Variants in MTA3 observed in about 807,000 individuals in gnomAD.
MTA3 encodes metastasis-associated protein MTA3.
MTA3 carries 34 observed loss-of-function variants against 83.5 expected under a neutral mutation model. That is an observed-to-expected ratio of 0.41 (90% CI 0.31 to 0.54). The LOEUF (loss-of-function observed/expected upper bound fraction) is 0.54. Ranked by LOEUF, MTA3 falls within the 20% of genes least tolerant of loss-of-function variation. MTA3 has a pLI of 0.33. For missense variants in MTA3, 761 were observed against 726.4 expected, an observed-to-expected ratio of 1.05 and a Z score of -0.55; for synonymous variants, 303 against 252.7, an observed-to-expected ratio of 1.20 and a Z score of -1.89.
intron 2 of MTA3, among the ~76,000 whole-genome samples, chr2:42,562,294 T>TG (rs1294712672): frequency 6.6e-6 from 1 of 152,120 alleles, no homozygotes; most frequent in Non-Finnish European, 1.5e-5. Flanking sequence ...GCATGTCTTT[T>TG]GGGGGGCCAC....
chr2:42,724,804 A>G (rs1426523315), intron 16 of MTA3, among the ~76,000 whole-genome samples: 1 of 152,070 alleles, frequency 6.6e-6, no homozygotes, highest in East Asian at 1.9e-4. Context: ...TTTTTCTGGA[A>G]TTTATTTAAA....
intron 2 of MTA3, among the ~76,000 whole-genome samples, chr2:42,536,169 G>A (rs1272070957): frequency 1.3e-5 from 2 of 149,984 alleles, no homozygotes; most frequent in Non-Finnish European, 3.0e-5. Context: ...TCTCCCCCGG[G>A]CCATATGAAA....
chr2:42,674,439 T>A (rs557682335), intron 8 of MTA3, among the ~76,000 whole-genome samples: 34 of 152,224 alleles, frequency 2.2e-4, no homozygotes, highest in Non-Finnish European at 4.7e-4. Flanking sequence ...CCTTCACTGC[T>A]TTTTGGCAGA....
intron 2 of MTA3, among the ~76,000 whole-genome samples, chr2:42,552,737 G>C (rs556521499): frequency 6.6e-6 from 1 of 152,158 alleles, no homozygotes; most frequent in South Asian, 2.1e-4. Flanking sequence ...GGATCATGAG[G>C]TCAAGAGATA....
chr2:42,507,932 T>A (rs1406601056), intron 2 of MTA3, among the ~76,000 whole-genome samples: 1 of 148,738 alleles, frequency 6.7e-6, no homozygotes, highest in Non-Finnish European at 1.5e-5. Flanking sequence ...AGCAACGGCG[T>A]GAGTCTGTCT....
At chr2:42,505,333 A>T (rs1227151239) in intron 2 of MTA3, among the ~76,000 whole-genome samples, 1 of 152,146 alleles carries the variant, frequency 6.6e-6, no homozygotes, top group Non-Finnish European at 1.5e-5. Context: ...CGGAGGTTGC[A>T]GTGAGCCGAG....
intron 7 of MTA3, 27 bp downstream of exon 7, chr2:42,656,329 T>C: frequency 7.0e-7 from 1 of 1,432,592 alleles, no homozygotes; most frequent in Non-Finnish European, 9.7e-7. Context: ...CATTATTGAG[T>C]CAATAAATTT....
At chr2:42,569,873 C>G (rs1242632071) in intron 1 of MTA3, 1 of 152,222 alleles carries the variant, frequency 6.6e-6, no homozygotes, top group Non-Finnish European at 1.5e-5. Flanking sequence ...ATCCCCCGGC[C>G]CCCTTTTTTC....
At chr2:42,546,699 A>T (rs1396180681) in intron 2 of MTA3, among the ~76,000 whole-genome samples, 1 of 151,954 alleles carries the variant, frequency 6.6e-6, no homozygotes, top group African/African-American at 2.4e-5. Flanking sequence ...TCCTACATGC[A>T]CTCTATTTAG....
chr2:42,525,801 G>A lies in MTA3; in HGVS notation c.-141+30547G>A, dbSNP rs546215037. Reference sequence around the variant, plus strand: ...GCCTCTCAAGAAGCTGGGACCACAGGTGCACGCCACCATGCCTGGCTAATT... The same window carrying A: ...GCCTCTCAAGAAGCTGGGACCACAGATGCACGCCACCATGCCTGGCTAATT... On this transcript the variant is annotated intron_variant, in intron 2 of 17. Coordinates refer to the MTA3 transcript ENST00000405592. Among the ~76,000 whole-genome samples, 17 of 151,800 alleles carry A rather than the reference G, an allele frequency of 1.1e-4. No individual in the cohort carries two copies. The South Asian group carries it at 3.1e-3, about 28-fold the overall frequency.
chr2:42,730,688 G>A (rs927382122), intron 16 of MTA3, among the ~76,000 whole-genome samples: 6 of 152,140 alleles, frequency 3.9e-5, no homozygotes, highest in Admixed American at 6.5e-5. Context: ...TCTTTTTCTG[G>A]TTTTGCTATC....
chr2:42,496,277 T>A (rs543293181), intron 2 of MTA3, among the ~76,000 whole-genome samples: 2 of 152,334 alleles, frequency 1.3e-5, no homozygotes, highest in African/African-American at 4.8e-5. Flanking sequence ...ATCATTTCAT[T>A]TGTTTCAAGA....
intron 9 of MTA3, among the ~76,000 whole-genome samples, chr2:42,693,779 C>T (rs573543199): frequency 6.6e-6 from 1 of 152,118 alleles, no homozygotes; most frequent in Non-Finnish European, 1.5e-5. Flanking sequence ...TGCAAAACAA[C>T]AACATCCCTT....
chr2:42,597,781 A>G (rs1451699325), intron 3 of MTA3, among the ~76,000 whole-genome samples: 1 of 150,268 alleles, frequency 6.7e-6, no homozygotes, highest in East Asian at 2.0e-4. Flanking sequence ...CCCAGGCTCA[A>G]CTGATCCTCC....
At chr2:42,706,974 C>G (rs891760684) in intron 12 of MTA3, among the ~76,000 whole-genome samples, 4 of 152,092 alleles carry the variant, frequency 2.6e-5, no homozygotes, top group Middle Eastern at 6.8e-3. Context: ...CCCTCTTCCC[C>G]TCCCCAGCCC....
intron 2 of MTA3, among the ~76,000 whole-genome samples, chr2:42,534,290 G>T (rs1676118584): frequency 1.3e-5 from 2 of 152,130 alleles, no homozygotes; most frequent in South Asian, 4.1e-4. Flanking sequence ...TTTGATGGAA[G>T]ATTAGCTTTA....
intron 5 of MTA3, among the ~76,000 whole-genome samples, chr2:42,643,661 T>TG (rs758341993): frequency 7.2e-5 from 11 of 152,336 alleles, no homozygotes; most frequent in Non-Finnish European, 1.6e-4. Context: ...CAGTTTAATG[T>TG]GAGATATGTA....
intron 8 of MTA3, among the ~76,000 whole-genome samples, chr2:42,676,737 A>G (rs970337381): frequency 2.6e-5 from 4 of 152,134 alleles, no homozygotes; most frequent in African/African-American, 9.7e-5. Context: ...CTGCACTCCA[A>G]CCTGGGCAAC....
chr2:42,524,477 T>G (rs992294941), intron 2 of MTA3, among the ~76,000 whole-genome samples: 3 of 111,576 alleles, frequency 2.7e-5, no homozygotes, highest in Admixed American at 9.0e-5. Context: ...GTTGTGTTTT[T>G]TTTTTTTTTT....
Sources: gnomAD v4.1 joint callset for allele counts (sites outside exome capture counted in the v4.1 genomes callset) on GRCh38, gnomAD v4.1.1 for gene constraint, MANE v1.5 for transcripts, NCBI Gene and HGNC (gene_info 2026-07-23, HGNC 2026-07-21) for gene names.